Variants in PTTG1IP observed in about 807,000 individuals in gnomAD.
PTTG1IP encodes the protein pituitary tumor-transforming gene 1 protein-interacting protein.
Under a neutral mutation model 24.4 loss-of-function variants are expected in PTTG1IP, and 16 were observed. The observed-to-expected ratio is 0.66, with a 90% CI of 0.44 to 1.00. The LOEUF is 1.00. PTTG1IP is among the 50% of genes least tolerant of loss of function. The pLI is 0.00. For missense variants in PTTG1IP, 241 were observed against 245.8 expected (o/e 0.98, Z 0.13); for synonymous variants, 89 against 96.8 (o/e 0.92, Z 0.47).
At chr21:44,871,543 C>CT (rs2146475953) in intron 1 of PTTG1IP, among the ~76,000 whole-genome samples, 1 of 152,320 alleles carries the variant, frequency 6.6e-6, no homozygotes, top group South Asian at 2.1e-4. Context: ...TAAAAAGATG[C>CT]TTAAAAGTGT....
intron 5 of PTTG1IP, among the ~76,000 whole-genome samples, chr21:44,853,324 A>G (rs1331236443): frequency 1.3e-5 from 2 of 152,088 alleles, no homozygotes; most frequent in Non-Finnish European, 2.9e-5. Flanking sequence ...TGGCTAACAC[A>G]GTGAAACCCC....
chr21:44,864,202 T>C (rs1173073275), intron 2 of PTTG1IP, among the ~76,000 whole-genome samples: 2 of 152,238 alleles, frequency 1.3e-5, no homozygotes, highest in African/African-American at 4.8e-5. Flanking sequence ...TGCTGTTTTC[T>C]GCCTAACCAC....
intron 1 of PTTG1IP, among the ~76,000 whole-genome samples, chr21:44,869,470 T>A (rs2083567461): frequency 6.6e-6 from 1 of 152,196 alleles, no homozygotes; most frequent in South Asian, 2.1e-4. Context: ...AATACATTTT[T>A]AAAATATAAG....
intron 2 of PTTG1IP, chr21:44,861,857 T>C: frequency 1.4e-6 from 1 of 717,376 alleles, no homozygotes; most frequent in South Asian, 1.5e-5. Flanking sequence ...GAGTTTGTGT[T>C]GAATGGACTT....
chr21:44,858,662 C>T (rs543330901), intron 3 of PTTG1IP, among the ~76,000 whole-genome samples: 66 of 152,354 alleles, frequency 4.3e-4, no homozygotes, highest in African/African-American at 1.0e-3. Context: ...CACCTGCTGC[C>T]GCTCTCATGT....
chr21:44,863,665 T>G (rs1412938308), intron 2 of PTTG1IP, among the ~76,000 whole-genome samples: 1 of 152,236 alleles, frequency 6.6e-6, no homozygotes, highest in East Asian at 1.9e-4. Context: ...GAGCTATGTT[T>G]AAAGCTGAAA....
At chr21:44,866,745 A>G (rs2146469874) in intron 1 of PTTG1IP, among the ~76,000 whole-genome samples, 1 of 152,270 alleles carries the variant, frequency 6.6e-6, no homozygotes, top group African/African-American at 2.4e-5. Context: ...GCTCATCACC[A>G]GTCACCAGAC....
At chr21:44,856,488 G>T (rs1379435592) in intron 3 of PTTG1IP, 124 bp from the exon 4 acceptor site, 4 of 1,114,528 alleles carry the variant, frequency 3.6e-6, no homozygotes, top group Non-Finnish European at 5.0e-6. Context: ...AAGCCGCCTC[G>T]GCCAGGCTGC....
In PTTG1IP at chr21:44,862,287, A is replaced by T. The variant is rs113687481; in HGVS notation, c.169-1016T>A. ...TGTAATCCCAGCACTTTGGGAGGCC[A>T]GGAGGGCGGATCACCTGAGGTCAGA... is the stretch of plus-strand genomic sequence containing the variant. On this transcript the variant is annotated intron_variant, in intron 2 of 5. Transcript: ENST00000330938. Among the ~76,000 whole-genome samples the T allele has an allele frequency of 5.1e-3, 774 of 152,338 alleles. 5 individuals carry two copies. Among genetic ancestry groups the T allele is most frequent in the African/African-American group, 0.018 (740 of 41,586 alleles).
intron 3 of PTTG1IP, among the ~76,000 whole-genome samples, chr21:44,859,923 G>T (rs1251757969): frequency 6.6e-6 from 1 of 152,170 alleles, no homozygotes; most frequent in Non-Finnish European, 1.5e-5. Context: ...TAAACAAAAA[G>T]AATCATCAAA....
At chr21:44,867,989 T>C (rs768294270) in intron 1 of PTTG1IP, among the ~76,000 whole-genome samples, 5 of 152,256 alleles carry the variant, frequency 3.3e-5, no homozygotes, top group African/African-American at 7.2e-5. Context: ...ACATATTCTA[T>C]AGCAATTATC....
chr21:44,867,800 G>T (rs2083554199), intron 1 of PTTG1IP, among the ~76,000 whole-genome samples: 1 of 152,206 alleles, frequency 6.6e-6, no homozygotes. Context: ...AGAGCTTCAT[G>T]ATGAAATGGA....
Position 44,851,380 on chromosome 21 carries a change from T to C in PTTG1IP, c.*201A>G, listed in dbSNP as rs148947455. On this transcript the variant is annotated 3_prime_UTR_variant, in exon 6 of 6. Coordinates refer to ENST00000330938, the MANE Select transcript of PTTG1IP (RefSeq NM_004339.4). ...AAGTGACTAAATCTAGAAACAGAGA[T>C]GAACAGGGAATAGAAGGTCACCAGT... 3.9e-4 allele frequency: 594 copies of C among 1,526,540 alleles called. 2 individuals carry two copies. The African/African-American group carries it at 7.0e-3, about 18-fold the overall frequency. 94.6% of individuals were successfully genotyped at this position (1,526,540 alleles called of 1,614,324 possible). A position where few individuals can be genotyped will look rare whatever the true frequency, so the allele number is the denominator to read the frequency against.
At chr21:44,865,257 G>A (rs2083526332) in intron 2 of PTTG1IP, 138 bp downstream of exon 2, 3 of 828,780 alleles carry the variant, frequency 3.6e-6, no homozygotes, top group East Asian at 2.6e-5. Flanking sequence ...ATTTGATAAC[G>A]ATTCCAAAAA....
intron 1 of PTTG1IP, 84 bp from the exon 2 acceptor site, chr21:44,865,531 G>T: frequency 7.3e-7 from 1 of 1,372,026 alleles, no homozygotes; most frequent in Admixed American, 1.8e-5. Context: ...GTGGGCACCA[G>T]TGAGGGGTGT....
intron 5 of PTTG1IP, among the ~76,000 whole-genome samples, chr21:44,854,511 GAC>G (rs2083434266): frequency 6.7e-6 from 1 of 148,370 alleles, no homozygotes; most frequent in Admixed American, 6.7e-5. Context: ...CAGCGCGGGA[GAC>G]ACTAGACTCT....
chr21:44,859,567 T>G (rs1459620926), intron 3 of PTTG1IP, among the ~76,000 whole-genome samples: 2 of 152,186 alleles, frequency 1.3e-5, no homozygotes, highest in African/African-American at 4.8e-5. Context: ...TACATGCCAT[T>G]AAAAACACCT....
intron 3 of PTTG1IP, among the ~76,000 whole-genome samples, chr21:44,860,260 T>G (rs544480772): frequency 7.2e-5 from 11 of 152,124 alleles, no homozygotes; most frequent in Non-Finnish European, 1.3e-4. Flanking sequence ...TCCCAGCTAC[T>G]CAGGAGGCTG....
chr21:44,859,170 G>C (rs571340475), intron 3 of PTTG1IP, among the ~76,000 whole-genome samples: 1 of 152,174 alleles, frequency 6.6e-6, no homozygotes, highest in African/African-American at 2.4e-5. Context: ...ACGAATCTCG[G>C]GCACATGCTG....
Sources: gnomAD v4.1 joint callset for allele counts (sites outside exome capture counted in the v4.1 genomes callset) on GRCh38, gnomAD v4.1.1 for gene constraint, MANE v1.5 for transcripts, NCBI Gene and HGNC (gene_info 2026-07-23, HGNC 2026-07-21) for gene names.